The following SEC16B variants were observed in gnomAD, a reference collection of about 807,000 sequenced individuals.
SEC16B encodes SEC16 homolog B, endoplasmic reticulum export factor.
In SEC16B, 115 loss-of-function variants were observed where a neutral mutation model predicts 141.8. That is an observed-to-expected ratio of 0.81 (90% CI 0.70 to 0.95). SEC16B has a LOEUF of 0.95. Among genes scored for constraint, SEC16B ranks in the 40% least tolerant of loss-of-function variants. The pLI is 0.00. For missense variants in SEC16B, 1,291 were observed against 1,312.3 expected, an observed-to-expected ratio of 0.98 and a Z score of 0.25; for synonymous variants, 493 against 492.5, an observed-to-expected ratio of 1.00 and a Z score of -0.01.
Position 177,932,685 on chromosome 1 carries a change from G to GA in SEC16B, c.2932+12dup. Reference sequence around the variant, plus strand: ...GGACCACCCATGGCCCAGAGGACGTGAGGTGACGGTACCTCTGCCCCTGGA... The same window carrying GA: ...GGACCACCCATGGCCCAGAGGACGTGAAGGTGACGGTACCTCTGCCCCTGGA... On this transcript the variant is annotated intron_variant, in intron 23 of 25. Coordinates refer to ENST00000308284, the MANE Select transcript of SEC16B (RefSeq NM_033127.4). 5 of 1,565,190 alleles carry GA rather than the reference G, an allele frequency of 3.2e-6. No homozygotes were observed. The highest frequency in any genetic ancestry group is 3.5e-6 in the Non-Finnish European group (4 of 1,156,716).
At chr1:177,978,163 C>G (rs1373889197) in intron 1 of SEC16B, among the ~76,000 whole-genome samples, 1 of 152,136 alleles carries the variant, frequency 6.6e-6, no homozygotes, top group Non-Finnish European at 1.5e-5. Flanking sequence ...TAGCTGTGAG[C>G]CTTCAGGCAA....
intron 1 of SEC16B, among the ~76,000 whole-genome samples, chr1:177,979,946 G>A (rs574712227): frequency 1.3e-5 from 2 of 152,282 alleles, no homozygotes; most frequent in East Asian, 1.9e-4. Flanking sequence ...CAACATGTGG[G>A]AATTCAAGAT....
rs182329107 is a variant in SEC16B at position 177,940,504 on chromosome 1, G to A, written c.2127+106C>T. On this transcript the variant is annotated intron_variant, in intron 17 of 25. Transcript: ENST00000308284. ...TGGGAGAGACCAGGGTGAGGCATGG[G>A]GACCAGGGACTTGCTAATGTCAGTG... The A allele has an allele frequency of 9.8e-5, 73 of 743,642 alleles. No individual in the cohort carries two copies. In the East Asian group the frequency reaches 1.9e-3, roughly 19 times the overall value. The allele number at this position is 743,642 out of a possible 1,614,324, so 46.1% of individuals were successfully genotyped here. A position where few individuals can be genotyped will look rare whatever the true frequency, so the allele number is the denominator to read the frequency against.
At chr1:177,947,690 G>C (rs893374457) in intron 13 of SEC16B, 135 bp downstream of exon 13, 22 of 600,814 alleles carry the variant, frequency 3.7e-5, no homozygotes, top group Non-Finnish European at 5.1e-5. Flanking sequence ...AGCTGACCTG[G>C]ACGGGGAGGG....
chr1:177,946,118 A>T (rs1290414884), intron 14 of SEC16B: 2 of 574,000 alleles, frequency 3.5e-6, no homozygotes, highest in African/African-American at 3.7e-5. Flanking sequence ...TTAAAGGAAC[A>T]AAGTTAGCTT....
intron 9 of SEC16B, 167 bp from the exon 10 acceptor site, chr1:177,958,529 A>G: frequency 1.7e-6 from 1 of 605,418 alleles, no homozygotes. Flanking sequence ...CTTCAGCATC[A>G]CTATCATGGT....
rs374663250 is a variant in SEC16B, at chr1:177,936,406, T to G, written c.2504-41A>C. 1,673 of 1,539,244 alleles carry G rather than the reference T, an allele frequency of 1.1e-3. 2 individuals are homozygous for G. Among genetic ancestry groups the G allele is most frequent in the Non-Finnish European group, 1.4e-3 (1,542 of 1,123,926 alleles). ...AAATGGAAATAGCAATTGGAAGTTG[T>G]GCTTTTCCCATCTATCCTGAAGAAG... On this transcript the variant is annotated intron_variant, in intron 19 of 25. Transcript: ENST00000308284.
At chr1:177,937,137 C>T in intron 19 of SEC16B, 77 bp downstream of exon 19, 1 of 1,475,274 alleles carries the variant, frequency 6.8e-7, no homozygotes, top group Non-Finnish European at 9.1e-7. Flanking sequence ...TCTGACTGGT[C>T]CCACCACCTC....
rs749834093 is a variant in SEC16B, at chr1:177,958,946, G to C, written c.1028C>G (p.Thr343Arg). ...REDVHKVDIM[T>R]FCQQKAAQSC... ...CTGAGCTGCTTTCTGCTGGCAAAAC[G>C]TCATAATATCCACCTTATGTACATC... Residue 343 changes from threonine (T) to arginine (R), a missense_variant, in exon 9 of 26, where the codon ACG (threonine) becomes AGG (arginine). Around this residue, in one of 3 missense-constraint regions of SEC16B, gnomAD observed 681 missense variants for 675.5 expected, o/e 1.01. Coordinates refer to ENST00000308284, the MANE Select transcript of SEC16B (RefSeq NM_033127.4). The C allele has an allele frequency of 1.9e-6, 3 of 1,613,402 alleles. No individual in the cohort carries two copies. The highest frequency in any genetic ancestry group is 1.3e-5 in the African/African-American group (1 of 74,902).
At chr1:177,938,004 T>A (rs1372266311) in intron 18 of SEC16B, among the ~76,000 whole-genome samples, 1 of 152,136 alleles carries the variant, frequency 6.6e-6, no homozygotes, top group East Asian at 1.9e-4. Context: ...TGCCAGGCAA[T>A]GGTTAAGTCC....
At chr1:177,940,523 G>C in intron 17 of SEC16B, 87 bp downstream of exon 17, 1 of 904,344 alleles carries the variant, frequency 1.1e-6, no homozygotes, top group South Asian at 1.4e-5. Flanking sequence ...ACTTGCTAAT[G>C]TCAGTGCCTA....
In SEC16B at chr1:177,929,421, A is replaced by T. The variant is rs146840161; in HGVS notation, c.*437T>A. 1.6e-3 allele frequency: 297 copies of T among 185,766 alleles called. 1 individual carries two copies. Among genetic ancestry groups the T allele is most frequent in the African/African-American group, 6.8e-3 (293 of 43,214 alleles). The allele number at this position is 185,766 out of a possible 1,614,324, so 11.5% of individuals were successfully genotyped here. Reference sequence around the variant, plus strand: ...TAGAGCCATGTATTGGTCTATTACTAAGACAGGAAGTAGTCAAAGTTGGTC... The same window carrying T: ...TAGAGCCATGTATTGGTCTATTACTTAGACAGGAAGTAGTCAAAGTTGGTC... On this transcript the variant is annotated 3_prime_UTR_variant, in exon 26 of 26. Coordinates refer to ENST00000308284, the MANE Select transcript of SEC16B (RefSeq NM_033127.4).
intron 10 of SEC16B, among the ~76,000 whole-genome samples, chr1:177,955,798 C>A (rs565667650): frequency 1.5e-3 from 225 of 152,316 alleles, no homozygotes; most frequent in African/African-American, 5.1e-3. Context: ...TAAACTATAT[C>A]CTTTGACCCA....
chr1:177,957,008 T>C (rs1652659519), intron 10 of SEC16B, among the ~76,000 whole-genome samples: 1 of 152,158 alleles, frequency 6.6e-6, no homozygotes, highest in African/African-American at 2.4e-5. Flanking sequence ...GTAAACATTG[T>C]AAGTCATGGA....
In SEC16B at chr1:177,966,005, C is replaced by T. The variant is rs755544818; in HGVS notation, c.300G>A (p.Arg100=). The T allele has an allele frequency of 5.1e-6, 8 of 1,554,656 alleles. No individual in the cohort carries two copies. The highest frequency in any genetic ancestry group is 4.7e-5 in the South Asian group (4 of 84,936). ...EGGYRNQLYS[R]PGYENSYQSY... is the part of the protein sequence containing the mutation. ...TCTGATATGAATTCTCATAACCTGG[C>T]CTAAAATATCACAAAGAAGACTGGT... Residue 100 remains arginine (R), a splice_region_variant and synonymous_variant, in exon 3 of 26, where the codon AGG becomes AGA. Coordinates refer to ENST00000308284, the MANE Select transcript of SEC16B (RefSeq NM_033127.4).
Position 177,940,656 on chromosome 1 carries a change from C to T in SEC16B, c.2081G>A (p.Arg694Lys), listed in dbSNP as rs1651210336. 6.2e-7 allele frequency: 1 copy of T among 1,613,924 alleles called. No homozygotes were observed. Among genetic ancestry groups the T allele is most frequent in the Non-Finnish European group, 8.5e-7 (1 of 1,179,858 alleles). The change falls in exon 17 of 26, where the codon AGG (arginine) becomes AAG (lysine). Residue 694 changes from arginine to lysine, a missense_variant. By Grantham distance (26) the Arg-to-Lys change is conservative. This residue lies in a region of SEC16B where 605 missense variants were observed against 614.1 expected (regional missense o/e 0.99). Coordinates refer to ENST00000308284, the MANE Select transcript of SEC16B (RefSeq NM_033127.4). ...CGCTAGCCAATCTGGCTCCAGGTCCCTGTCTCCACTGCGTCTTTCTAAAAC... is the reference window on the plus strand; with the variant it reads ...CGCTAGCCAATCTGGCTCCAGGTCCTTGTCTCCACTGCGTCTTTCTAAAAC... ...PLVLERRSGDRDLEPDWLAQL... is the reference protein window; with the variant it reads ...PLVLERRSGDKDLEPDWLAQL...
chr1:177,968,015 T>G lies in SEC16B; in HGVS notation c.-34A>C. ...CTCTGAATTTGTCCTGGGTTTTGAG[T>G]AAGTTGTGCAGTTATTTTATCTTCC... On this transcript the variant is annotated 5_prime_UTR_variant, in exon 2 of 26. Transcript: ENST00000308284. 1 of 1,557,570 alleles carries G rather than the reference T, an allele frequency of 6.4e-7. No individual in the cohort carries two copies. The highest frequency in any genetic ancestry group is 8.7e-7 in the Non-Finnish European group (1 of 1,147,900).
At chr1:177,971,049 G>C (rs1557995063), upstream of SEC16B, among the ~76,000 whole-genome samples, 1 of 151,342 alleles carries the variant, frequency 6.6e-6, no homozygotes, top group Non-Finnish European at 1.5e-5. Context: ...CCCAGCAACT[G>C]AGCATAGAAT....
intron 25 of SEC16B, among the ~76,000 whole-genome samples, 186 bp from the exon 26 acceptor site, chr1:177,930,115 A>G (rs970835528): frequency 1.3e-5 from 2 of 152,166 alleles, no homozygotes; most frequent in African/African-American, 4.8e-5. Context: ...TGATTTTTAT[A>G]AAGAGAGGAG....
Sources: gnomAD v4.1 joint callset for allele counts (sites outside exome capture counted in the v4.1 genomes callset) on GRCh38, gnomAD v4.1.1 for gene constraint, gnomAD v4.1.1 regional missense constraint, MANE v1.5 for transcripts, NCBI Gene and HGNC (gene_info 2026-07-23, HGNC 2026-07-21) for gene names.